Variants in STT3B observed in about 807,000 individuals in gnomAD.
STT3B encodes STT3 oligosaccharyltransferase complex catalytic subunit B, also known as dolichyl-diphosphooligosaccharide--protein glycosyltransferase subunit STT3B.
STT3B carries 29 observed loss-of-function variants against 96.8 expected under a neutral mutation model. That is an observed-to-expected ratio of 0.30 (90% CI 0.22 to 0.41). The LOEUF (loss-of-function observed/expected upper bound fraction) is 0.41. Among genes scored for constraint, STT3B ranks in the 10% least tolerant of loss-of-function variants. The pLI is 1.00. For synonymous variants in STT3B, 367 were observed against 360.0 expected (o/e 1.02, Z -0.22); for missense variants, 640 against 1,022.3 (o/e 0.63, Z 5.10).
intron 3 of STT3B, among the ~76,000 whole-genome samples, chr3:31,588,713 T>C (rs189648882): frequency 3.3e-5 from 5 of 152,216 alleles, no homozygotes; most frequent in East Asian, 3.9e-4. Flanking sequence ...TGTGTCTAGA[T>C]TGATTTTTTT....
rs139808113 is a variant in STT3B, at chr3:31,542,391, A to G, written c.314+9079A>G. On this transcript the variant is annotated intron_variant, in intron 1 of 15. Transcript: ENST00000295770. ...ATTGATATATTTGTAGAGATTGTCAATCCTGGTTTTGAGGTATTTTGTTGT... is the reference window on the plus strand; with the variant it reads ...ATTGATATATTTGTAGAGATTGTCAGTCCTGGTTTTGAGGTATTTTGTTGT... 4.7e-3 allele frequency among the ~76,000 whole-genome samples: 715 copies of G among 152,318 alleles called. 5 individuals are homozygous for G. Among genetic ancestry groups the G allele is most frequent in the African/African-American group, 0.016 (661 of 41,562 alleles).
chr3:31,617,190 T>TTC, intron 7 of STT3B, 115 bp downstream of exon 7: 2 of 802,930 alleles, frequency 2.5e-6, no homozygotes, highest in South Asian at 3.9e-5. Flanking sequence ...TTTTTTCTTT[T>TTC]TTTTTTTTTT....
intron 4 of STT3B, among the ~76,000 whole-genome samples, chr3:31,598,067 C>T (rs564034958): frequency 6.6e-6 from 1 of 151,946 alleles, no homozygotes; most frequent in East Asian, 1.9e-4. Context: ...AACTCCTGAC[C>T]TCAAGTGATC....
intron 2 of STT3B, among the ~76,000 whole-genome samples, chr3:31,578,437 T>G (rs907071358): frequency 6.6e-6 from 1 of 152,134 alleles, no homozygotes; most frequent in Non-Finnish European, 1.5e-5. Context: ...TTTGTTGATT[T>G]ATTTTTGGTT....
Position 31,592,706 on chromosome 3 carries a change from G to A in STT3B, c.712-4092G>A, listed in dbSNP as rs192786883. Among the ~76,000 whole-genome samples the A allele has an allele frequency of 2.6e-5, 4 of 152,216 alleles. No homozygotes were observed. The East Asian group carries it at 5.8e-4, about 22-fold the overall frequency. ...AGTAATGTTGAGCATATTTTCATGT[G>A]CTTATTGCCCATTTGTAAAGGCCTA... On this transcript the variant is annotated intron_variant, in intron 3 of 15. Coordinates refer to ENST00000295770, the MANE Select transcript of STT3B (RefSeq NM_178862.3).
intron 11 of STT3B, among the ~76,000 whole-genome samples, 156 bp from the exon 12 acceptor site, chr3:31,624,757 TG>T (rs1366249056): frequency 1.4e-4 from 20 of 147,610 alleles, no homozygotes; most frequent in African/African-American, 4.6e-4. Context: ...AGCTCTTCAT[TG>T]TTTCACTTTT....
chr3:31,625,092 A>G lies in STT3B; in HGVS notation c.1899+7A>G. The stretch of plus-strand genomic sequence containing the variant: ...TAACAGCCACATAGCACTGGTAAGG[A>G]TTTACTAAATACAAGGTTAAAAAAT... On this transcript the variant is annotated splice_region_variant and intron_variant, in intron 12 of 15. Transcript: ENST00000295770. 1 of 1,608,420 alleles carries G rather than the reference A, an allele frequency of 6.2e-7. No homozygotes were observed. Among genetic ancestry groups the G allele is most frequent in the Non-Finnish European group, 8.5e-7 (1 of 1,177,346 alleles).
At chr3:31,623,897 C>G (rs977510010) in intron 11 of STT3B, 36 bp downstream of exon 11, 3 of 1,463,342 alleles carry the variant, frequency 2.1e-6, no homozygotes, top group African/African-American at 2.8e-5. Flanking sequence ...ACATTTTATA[C>G]TTACACTTCT....
At chr3:31,550,465 G>T (rs1697524729) in intron 1 of STT3B, among the ~76,000 whole-genome samples, 2 of 152,200 alleles carry the variant, frequency 1.3e-5, no homozygotes, top group Admixed American at 6.5e-5. Flanking sequence ...AGGTTTGTGA[G>T]AGTAGTCTGA....
At chr3:31,612,876 G>A (rs1699216328) in intron 5 of STT3B, among the ~76,000 whole-genome samples, 1 of 152,174 alleles carries the variant, frequency 6.6e-6, no homozygotes. Flanking sequence ...ATATGTATTT[G>A]TGTACCCATA....
chr3:31,632,972 G>A lies in STT3B; in HGVS notation c.2225G>A (p.Arg742His), dbSNP rs1699691974. ...ACACCCCCAGGTTTTGACCGAACAC[G>A]TAATGCTGAGATTGGAAATAAGGAC... The part of the protein sequence containing the change: ...FRTPPGFDRT[R>H]NAEIGNKDIK... The change falls in exon 15 of 16, where the codon CGT (arginine) becomes CAT (histidine). Residue 742 changes from arginine to histidine, a missense_variant. Transcript: ENST00000295770. 1.9e-6 allele frequency: 3 copies of A among 1,614,078 alleles called. No individual in the cohort carries two copies. Among genetic ancestry groups the A allele is most frequent in the Non-Finnish European group, 2.5e-6 (3 of 1,179,962 alleles).
chr3:31,561,661 C>A (rs1358955926), intron 1 of STT3B, among the ~76,000 whole-genome samples: 1 of 151,952 alleles, frequency 6.6e-6, no homozygotes, highest in Non-Finnish European at 1.5e-5. Context: ...TGATTGGGAT[C>A]TGTTGCTGGA....
intron 5 of STT3B, among the ~76,000 whole-genome samples, chr3:31,604,671 T>A (rs1274956949): frequency 6.6e-6 from 1 of 152,196 alleles, no homozygotes; most frequent in Non-Finnish European, 1.5e-5. Flanking sequence ...TAGCATATGA[T>A]CAAAATGGAA....
At chr3:31,536,572 A>T (rs1164471961) in intron 1 of STT3B, among the ~76,000 whole-genome samples, 2 of 152,244 alleles carry the variant, frequency 1.3e-5, no homozygotes, top group Non-Finnish European at 2.9e-5. Context: ...TTAGCTGCTG[A>T]AAGTGACGTC....
intron 1 of STT3B, among the ~76,000 whole-genome samples, chr3:31,545,889 C>T (rs1697400438): frequency 6.6e-6 from 1 of 150,388 alleles, no homozygotes; most frequent in Non-Finnish European, 1.5e-5. Flanking sequence ...ATTCTTCTTC[C>T]ACTGTGGCCC....
intron 3 of STT3B, among the ~76,000 whole-genome samples, chr3:31,594,655 C>T (rs923897935): frequency 5.3e-5 from 8 of 152,070 alleles, no homozygotes; most frequent in African/African-American, 1.4e-4. Context: ...GTCTCGACCT[C>T]GTGATCCACC....
chr3:31,573,164 A>G (rs1698197088), intron 1 of STT3B, among the ~76,000 whole-genome samples: 1 of 152,098 alleles, frequency 6.6e-6, no homozygotes, highest in Non-Finnish European at 1.5e-5. Flanking sequence ...GAGAGGTAAT[A>G]CGGTGTGAGA....
chr3:31,582,953 G>A (rs2125455055), intron 3 of STT3B, among the ~76,000 whole-genome samples: 1 of 152,208 alleles, frequency 6.6e-6, no homozygotes, highest in African/African-American at 2.4e-5. Context: ...TTAATCTGCG[G>A]CCCAACATAT....
Position 31,568,868 on chromosome 3 carries a change from A to ATTTG in STT3B, c.315-7526_315-7523dup, listed in dbSNP as rs539874588. Reference sequence around the variant, plus strand: ...CAGCTCCTTGTGACTTCCCCTTTTTATTTGTAAAAGCCCTGGTTTACAAAT... The same window carrying ATTTG: ...CAGCTCCTTGTGACTTCCCCTTTTTATTTGTTTGTAAAAGCCCTGGTTTACAAAT... On this transcript the variant is annotated intron_variant, in intron 1 of 15. Transcript: ENST00000295770. Among the ~76,000 whole-genome samples the ATTTG allele has an allele frequency of 8.3e-4, 126 of 152,262 alleles. 2 individuals are homozygous for ATTTG. The South Asian group carries it at 0.02, about 25-fold the overall frequency.
Sources: gnomAD v4.1 joint callset for allele counts (sites outside exome capture counted in the v4.1 genomes callset) on GRCh38, gnomAD v4.1.1 for gene constraint, MANE v1.5 for transcripts, NCBI Gene and HGNC (gene_info 2026-07-23, HGNC 2026-07-21) for gene names.